Variants in CENPP observed in about 807,000 individuals in gnomAD.
The protein encoded by CENPP is centromere protein P.
In CENPP, 24 loss-of-function variants were observed where a neutral mutation model predicts 35.6. The ratio of observed to expected loss-of-function variants is 0.67; its 90% confidence interval spans 0.49 to 0.95. The LOEUF is 0.95. CENPP is among the 40% of genes least tolerant of loss of function. CENPP has a pLI of 0.00. For missense variants in CENPP, 332 were observed against 345.3 expected, an observed-to-expected ratio of 0.96 and a Z score of 0.31; for synonymous variants, 120 against 125.5, an observed-to-expected ratio of 0.96 and a Z score of 0.29.
rs968445451 is a variant in CENPP at position 92,519,049 on chromosome 9, C to G, written c.565-92265C>G. On this transcript the variant is annotated intron_variant, in intron 5 of 7. Transcript: ENST00000375587. ...TTTTTCTTCCAACCCTGGTGTCATT[C>G]CAGATAACTTTCCTCCATCTGAGCC... Among the ~76,000 whole-genome samples the G allele has an allele frequency of 2.0e-4, 31 of 152,128 alleles. 1 individual carries two copies. Among genetic ancestry groups the G allele is most frequent in the Non-Finnish European group, 1.5e-5 (1 of 68,024 alleles).
rs1213864256 is a variant in CENPP at position 92,620,404 on chromosome 9, TCTC to T, written c.*7259_*7261del. 1.3e-5 allele frequency: 2 copies of T among 152,192 alleles called. No individual in the cohort carries two copies. The highest frequency in any genetic ancestry group is 2.9e-5 in the Non-Finnish European group (2 of 68,070). The allele number at this position is 152,192 out of a possible 1,614,324, so 9.4% of individuals were successfully genotyped here. On this transcript the variant is annotated 3_prime_UTR_variant, in exon 8 of 8. Coordinates refer to ENST00000375587, the MANE Select transcript of CENPP (RefSeq NM_001012267.3). Reference sequence around the variant, plus strand: ...ACAGGCACCACAATGCTCACAACTGTCTCCTCTACAGAGCAGAATGTGAGGCAC... The same window carrying T: ...ACAGGCACCACAATGCTCACAACTGTCTCTACAGAGCAGAATGTGAGGCAC...
chr9:92,388,186 T>C (rs1384395254), intron 5 of CENPP, among the ~76,000 whole-genome samples: 2 of 152,050 alleles, frequency 1.3e-5, no homozygotes, highest in African/African-American at 4.8e-5. Flanking sequence ...GGAGACTGAA[T>C]CTTGCTCTGT....
At chr9:92,552,009 TATATG>T (rs1240274310) in intron 5 of CENPP, among the ~76,000 whole-genome samples, 2 of 146,236 alleles carry the variant, frequency 1.4e-5, no homozygotes, top group Non-Finnish European at 3.0e-5. Context: ...TATGTGTATA[TATATG>T]ATATGATAGA....
At chr9:92,598,734 T>C (rs1850838576) in intron 5 of CENPP, among the ~76,000 whole-genome samples, 2 of 146,116 alleles carry the variant, frequency 1.4e-5, no homozygotes, top group Admixed American at 6.8e-5. Context: ...ATAAAACAAA[T>C]AACTGAAGGG....
rs1485405325 is a variant in CENPP, at chr9:92,611,309, T to C, written c.565-5T>C. The C allele has an allele frequency of 6.2e-6, 10 of 1,612,898 alleles. No individual in the cohort carries two copies. Among genetic ancestry groups the C allele is most frequent in the East Asian group, 2.2e-5 (1 of 44,824 alleles). On this transcript the variant is annotated splice_polypyrimidine_tract_variant and splice_region_variant and intron_variant, in intron 5 of 7. Transcript: ENST00000375587. ...TCTGTCTACCCGTTTCTTCTCCCCA[T>C]GCAGGAAAAGTACCCAGATGCCGTG...
At chr9:92,393,254 G>A (rs1274871388) in intron 5 of CENPP, 12 of 1,553,712 alleles carry the variant, frequency 7.7e-6, no homozygotes, top group South Asian at 1.3e-5. Context: ...TCTAAATTGG[G>A]AATAAAATCA....
rs16908345 is a variant in CENPP, at chr9:92,402,513, A to G, written c.564+22654A>G. On this transcript the variant is annotated intron_variant, in intron 5 of 7. Coordinates refer to ENST00000375587, the MANE Select transcript of CENPP (RefSeq NM_001012267.3). ...TGGGCAACAGATACTTAAGTGCTGT[A>G]TTAACTTTTTCCTTACCCAGCATTC... Among the ~76,000 whole-genome samples, 1,141 of 152,278 alleles carry G rather than the reference A, an allele frequency of 7.5e-3. 16 individuals carry two copies. The highest frequency in any genetic ancestry group is 0.026 in the African/African-American group (1,064 of 41,548).
intron 5 of CENPP, among the ~76,000 whole-genome samples, chr9:92,596,445 C>CAAAA (rs60383394): frequency 4.4e-4 from 32 of 71,980 alleles, no homozygotes; most frequent in Non-Finnish European, 4.8e-4. Context: ...GACCCTGTGT[C>CAAAA]AAAAAAAAAA....
At chr9:92,366,177 CAAAA>C (rs79052877) in intron 4 of CENPP, among the ~76,000 whole-genome samples, 2 of 52,080 alleles carry the variant, frequency 3.8e-5, no homozygotes, top group Non-Finnish European at 4.1e-5. Flanking sequence ...GACTCCGTCT[CAAAA>C]AAAAAAAAAA....
At chr9:92,486,170 G>A (rs1446657614) in intron 5 of CENPP, among the ~76,000 whole-genome samples, 7 of 152,144 alleles carry the variant, frequency 4.6e-5, no homozygotes, top group African/African-American at 9.7e-5. Context: ...GGAGTTAGCC[G>A]TGCCATGCAA....
chr9:92,361,190 G>C (rs1421927331), intron 4 of CENPP, among the ~76,000 whole-genome samples: 1 of 151,292 alleles, frequency 6.6e-6, no homozygotes, highest in Admixed American at 6.6e-5. Flanking sequence ...GCCCAGGCTG[G>C]AGTGCAGTGG....
chr9:92,514,981 T>A (rs1196510158), intron 5 of CENPP: 3 of 1,614,134 alleles, frequency 1.9e-6, no homozygotes, highest in Non-Finnish European at 2.5e-6. Context: ...TTGCCCCTGA[T>A]TTCTAGATTC....
rs1029187062 is a variant in CENPP at position 92,613,286 on chromosome 9, A to T, written c.*137A>T. The T allele has an allele frequency of 1.1e-6, 1 of 919,334 alleles. No individual in the cohort carries two copies. Among genetic ancestry groups the T allele is most frequent in the Non-Finnish European group, 1.7e-6 (1 of 603,360 alleles). The allele number at this position is 919,334 out of a possible 1,614,324, so 56.9% of individuals were successfully genotyped here. ...TGTCTATGCAGTTATGGCACATTAT[A>T]TGGAAACTCTCATGACATGAAAAAT... On this transcript the variant is annotated 3_prime_UTR_variant, in exon 8 of 8. Coordinates refer to ENST00000375587, the MANE Select transcript of CENPP (RefSeq NM_001012267.3).
At chr9:92,561,433 A>G (rs1849845304) in intron 5 of CENPP, among the ~76,000 whole-genome samples, 2 of 152,190 alleles carry the variant, frequency 1.3e-5, no homozygotes, top group Admixed American at 6.5e-5. Flanking sequence ...GGATGGATAT[A>G]GTGAGTTTAT....
chr9:92,460,194 C>T (rs1324829482), intron 5 of CENPP, among the ~76,000 whole-genome samples: 1 of 151,942 alleles, frequency 6.6e-6, no homozygotes, highest in Admixed American at 6.6e-5. Context: ...TCCACCATGC[C>T]TGGCTAATTT....
Position 92,591,202 on chromosome 9 carries a change from G to A in CENPP, c.565-20112G>A, listed in dbSNP as rs973313186. Reference sequence around the variant, plus strand: ...TGGGAGGCTGAGGCGGGTGGATCACGAGGTCAGGAGATCAAGACCATCCTG... The same window carrying A: ...TGGGAGGCTGAGGCGGGTGGATCACAAGGTCAGGAGATCAAGACCATCCTG... On this transcript the variant is annotated intron_variant, in intron 5 of 7. Coordinates refer to ENST00000375587, the MANE Select transcript of CENPP (RefSeq NM_001012267.3). Among the ~76,000 whole-genome samples the A allele has an allele frequency of 9.9e-5, 15 of 151,938 alleles. 1 individual carries two copies. In the South Asian group the frequency reaches 2.9e-3, roughly 29 times the overall value.
intron 5 of CENPP, among the ~76,000 whole-genome samples, chr9:92,527,417 A>T (rs1563987572): frequency 1.3e-5 from 2 of 152,210 alleles, no homozygotes; most frequent in Admixed American, 6.5e-5. Context: ...AGGCTCTACC[A>T]TATAGCCTAG....
chr9:92,465,086 A>C, intron 5 of CENPP: 59 of 1,187,150 alleles, frequency 5.0e-5, no homozygotes, highest in Middle Eastern at 1.9e-4. Context: ...AAGGAAACTC[A>C]CAGTGCAGAG....
At chr9:92,463,371 T>A (rs1845186616) in intron 5 of CENPP, among the ~76,000 whole-genome samples, 1 of 152,242 alleles carries the variant, frequency 6.6e-6, no homozygotes, top group Non-Finnish European at 1.5e-5. Flanking sequence ...TTTGAAGGAA[T>A]AGTTATTTAA....
Sources: gnomAD v4.1 joint callset for allele counts (sites outside exome capture counted in the v4.1 genomes callset) on GRCh38, gnomAD v4.1.1 for gene constraint, MANE v1.5 for transcripts, NCBI Gene and HGNC (gene_info 2026-07-23, HGNC 2026-07-21) for gene names.